GRM8: variants seen among roughly 807,000 people sequenced by gnomAD.
GRM8 encodes glutamate metabotropic receptor 8.
A neutral mutation model predicts 87.2 loss-of-function variants in GRM8; 47 were observed. The observed-to-expected ratio is 0.54, with a 90% CI of 0.43 to 0.69. GRM8 has a LOEUF of 0.69. Among genes scored for constraint, GRM8 ranks in the 30% least tolerant of loss-of-function variants. The pLI is 0.00. For missense variants in GRM8, 1,019 were observed against 1,139.2 expected (o/e 0.89, Z 1.52); for synonymous variants, 396 against 404.5 (o/e 0.98, Z 0.25).
chr7:127,104,185 G>A (rs1825593981), intron 3 of GRM8, among the ~76,000 whole-genome samples: 1 of 151,978 alleles, frequency 6.6e-6, no homozygotes, highest in Admixed American at 6.6e-5. Context: ...ATTATGAGTT[G>A]GGGAAATATA....
intron 3 of GRM8, among the ~76,000 whole-genome samples, chr7:127,005,413 G>A (rs1814184477): frequency 6.6e-6 from 1 of 151,566 alleles, no homozygotes; most frequent in South Asian, 2.1e-4. Context: ...CAGACAATAT[G>A]TGTCTTTTTA....
At chr7:126,886,657 T>A (rs1800529848) in intron 6 of GRM8, among the ~76,000 whole-genome samples, 1 of 152,176 alleles carries the variant, frequency 6.6e-6, no homozygotes, top group African/African-American at 2.4e-5. Context: ...AGTTACTGCC[T>A]ACGTGTTTTC....
At chr7:126,652,849 T>C (rs1007654983) in intron 7 of GRM8, among the ~76,000 whole-genome samples, 2 of 152,134 alleles carry the variant, frequency 1.3e-5, no homozygotes, top group Non-Finnish European at 2.9e-5. Context: ...ACAGAAGGCT[T>C]ACACTCTTTA....
At chr7:126,730,092 A>G (rs1395674089) in intron 7 of GRM8, among the ~76,000 whole-genome samples, 3 of 152,222 alleles carry the variant, frequency 2.0e-5, no homozygotes, top group South Asian at 2.1e-4. Context: ...TTAGGAATAA[A>G]GAAGTAATGT....
chr7:126,784,503 C>T (rs1352322866), intron 6 of GRM8, among the ~76,000 whole-genome samples: 2 of 152,004 alleles, frequency 1.3e-5, no homozygotes, highest in African/African-American at 2.4e-5. Context: ...TTTTTGCTCC[C>T]CAAATTATGG....
chr7:127,216,095 CAA>C (rs1796510628), intron 2 of GRM8, among the ~76,000 whole-genome samples: 1 of 152,132 alleles, frequency 6.6e-6, no homozygotes. Flanking sequence ...TTGCAAGGTA[CAA>C]AGTGCTAGGC....
chr7:126,591,015 G>A (rs1423569224), intron 8 of GRM8, among the ~76,000 whole-genome samples: 1 of 151,820 alleles, frequency 6.6e-6, no homozygotes, highest in Admixed American at 6.6e-5. Flanking sequence ...ACAATGAATA[G>A]CACCTCACAT....
intron 3 of GRM8, among the ~76,000 whole-genome samples, chr7:127,065,604 G>T (rs980473820): frequency 6.6e-6 from 1 of 152,206 alleles, no homozygotes; most frequent in South Asian, 2.1e-4. Flanking sequence ...GATAAGAAGA[G>T]TGTTGGGCTA....
chr7:126,838,281 T>C (rs1234455766), intron 6 of GRM8, among the ~76,000 whole-genome samples: 3 of 152,206 alleles, frequency 2.0e-5, no homozygotes, highest in African/African-American at 4.8e-5. Context: ...AAAAAGTGTT[T>C]CCCTGAAACA....
intron 3 of GRM8, among the ~76,000 whole-genome samples, chr7:127,044,134 C>G (rs1031785613): frequency 2.0e-5 from 3 of 152,198 alleles, no homozygotes; most frequent in Non-Finnish European, 4.4e-5. Flanking sequence ...AGGGGAAGCT[C>G]AGAGCTCACC....
At chr7:126,509,373 C>T (rs1024484433) in intron 9 of GRM8, among the ~76,000 whole-genome samples, 2 of 151,876 alleles carry the variant, frequency 1.3e-5, no homozygotes, top group African/African-American at 4.8e-5. Context: ...GATTCAGAAA[C>T]TATATATTTG....
intron 6 of GRM8, among the ~76,000 whole-genome samples, chr7:126,863,047 C>T (rs1282047252): frequency 6.6e-6 from 1 of 151,974 alleles, no homozygotes; most frequent in African/African-American, 2.4e-5. Flanking sequence ...TGGGTTGAAC[C>T]TTCTTTTATT....
At chr7:126,913,187 G>C (rs929047416) in intron 3 of GRM8, among the ~76,000 whole-genome samples, 2 of 152,166 alleles carry the variant, frequency 1.3e-5, no homozygotes, top group African/African-American at 4.8e-5. Context: ...TTACAAAGCT[G>C]TGTATAGAAT....
At chr7:127,071,273 G>GA (rs1472381240) in intron 3 of GRM8, among the ~76,000 whole-genome samples, 2 of 152,108 alleles carry the variant, frequency 1.3e-5, no homozygotes, top group East Asian at 3.8e-4. Flanking sequence ...CAAAAGATTT[G>GA]AAAAAATGTC....
chr7:126,668,049 T>C (rs1362369107), intron 7 of GRM8, among the ~76,000 whole-genome samples: 2 of 152,250 alleles, frequency 1.3e-5, no homozygotes, highest in Non-Finnish European at 2.9e-5. Flanking sequence ...GCCTGCCCAC[T>C]GGGGTGGAGC....
At chr7:126,816,632 T>C (rs1427290730) in intron 6 of GRM8, among the ~76,000 whole-genome samples, 1 of 152,036 alleles carries the variant, frequency 6.6e-6, no homozygotes, top group Non-Finnish European at 1.5e-5. Flanking sequence ...AATGTCATGA[T>C]GATGATGATG....
intron 7 of GRM8, among the ~76,000 whole-genome samples, chr7:126,760,159 C>T (rs746625567): frequency 6.6e-6 from 1 of 152,108 alleles, no homozygotes; most frequent in African/African-American, 2.4e-5. Flanking sequence ...CATGGTACTC[C>T]ACCTCTCTCC....
chr7:126,977,655 T>A (rs1053165409), intron 3 of GRM8, among the ~76,000 whole-genome samples: 160 of 152,346 alleles, frequency 1.1e-3, no homozygotes, highest in Middle Eastern at 3.4e-3. Context: ...GTGAGGCAGA[T>A]CAGTAACAGT....
chr7:126,838,695 T>C (rs1796011936), intron 6 of GRM8, among the ~76,000 whole-genome samples: 1 of 152,200 alleles, frequency 6.6e-6, no homozygotes. Flanking sequence ...GATCTGTAGT[T>C]ACTAACAAAC....
Sources: gnomAD v4.1 joint callset for allele counts (sites outside exome capture counted in the v4.1 genomes callset) on GRCh38, gnomAD v4.1.1 for gene constraint, MANE v1.5 for transcripts, NCBI Gene and HGNC (gene_info 2026-07-23, HGNC 2026-07-21) for gene names.